The following SLC44A5 variants were observed in gnomAD, a reference collection of about 807,000 sequenced individuals.
The protein encoded by SLC44A5 is choline transporter-like protein 5.
SLC44A5 carries 57 observed loss-of-function variants against 101.8 expected under a neutral mutation model. The observed-to-expected ratio is 0.56, with a 90% CI of 0.45 to 0.70. SLC44A5 has a LOEUF of 0.70. Among genes scored for constraint, SLC44A5 ranks in the 30% least tolerant of loss-of-function variants. The pLI is 0.00. For synonymous variants in SLC44A5, 281 were observed against 290.9 expected (o/e 0.97, Z 0.35); for missense variants, 737 against 853.1 (o/e 0.86, Z 1.70).
At chr1:75,670,918 T>G in the SLC44A5 span, among the ~76,000 whole-genome samples, 2 of 152,182 alleles carry the variant, frequency 1.3e-5, no homozygotes, top group Non-Finnish European at 2.9e-5. Flanking sequence ...TGATAAGACA[T>G]GCACACACAG....
intron 2 of SLC44A5, among the ~76,000 whole-genome samples, chr1:75,487,361 C>T (rs540028315): frequency 3.9e-5 from 6 of 152,176 alleles, no homozygotes; most frequent in African/African-American, 9.6e-5. Flanking sequence ...ATGAATCTAG[C>T]CTTGCAAATA....
chr1:75,426,337 G>C (rs1330577627), intron 2 of SLC44A5, among the ~76,000 whole-genome samples: 5 of 152,186 alleles, frequency 3.3e-5, no homozygotes, highest in Admixed American at 3.3e-4. Context: ...GTAGTTAGTT[G>C]TTTAAATATT....
chr1:75,428,623 A>C (rs1203548765), intron 2 of SLC44A5, among the ~76,000 whole-genome samples: 1 of 152,192 alleles, frequency 6.6e-6, no homozygotes, highest in Non-Finnish European at 1.5e-5. Flanking sequence ...TAGCATAATA[A>C]ACTAAACCTG....
At chr1:75,546,546 C>T (rs1229238379) in intron 1 of SLC44A5, among the ~76,000 whole-genome samples, 1 of 152,108 alleles carries the variant, frequency 6.6e-6, no homozygotes, top group Non-Finnish European at 1.5e-5. Flanking sequence ...ATCTTTAAAC[C>T]TATTTTTAAA....
At chr1:75,446,476 CA>C (rs1008183423) in intron 2 of SLC44A5, among the ~76,000 whole-genome samples, 5 of 151,454 alleles carry the variant, frequency 3.3e-5, no homozygotes, top group African/African-American at 9.7e-5. Flanking sequence ...CATTTTTATC[CA>C]AAAAAAACCC....
chr1:75,203,068 T>C lies in SLC44A5; in HGVS notation c.*659A>G, dbSNP rs1646690030. On this transcript the variant is annotated 3_prime_UTR_variant, in exon 24 of 24. Coordinates refer to ENST00000370859, the MANE Select transcript of SLC44A5 (RefSeq NM_001130058.2). ...GTGAAACAAATGCAATAAGACTTGT[T>C]TTAATCACGAAACATTGCAGGTTTT... The C allele has an allele frequency of 6.6e-6, 1 of 152,190 alleles. No individual in the cohort carries two copies. Among genetic ancestry groups the C allele is most frequent in the South Asian group, 2.1e-4 (1 of 4,832 alleles). The allele number at this position is 152,190 out of a possible 1,614,324, so 9.4% of individuals were successfully genotyped here.
chr1:75,387,131 A>G (rs2101314244), intron 3 of SLC44A5, among the ~76,000 whole-genome samples: 1 of 152,288 alleles, frequency 6.6e-6, no homozygotes, highest in African/African-American at 2.4e-5. Context: ...AGGCATTACC[A>G]TTCAGGACAT....
At chr1:75,427,373 A>C (rs1405808702) in intron 2 of SLC44A5, among the ~76,000 whole-genome samples, 1 of 152,244 alleles carries the variant, frequency 6.6e-6, no homozygotes, top group Non-Finnish European at 1.5e-5. Flanking sequence ...TAGGGATACC[A>C]GTCATGCATT....
At chr1:75,376,081 C>T (rs1660572712) in intron 3 of SLC44A5, among the ~76,000 whole-genome samples, 1 of 152,186 alleles carries the variant, frequency 6.6e-6, no homozygotes, top group African/African-American at 2.4e-5. Context: ...GTGACGGACG[C>T]ACCTGGAAAA....
At chr1:75,534,066 G>A (rs1670867791) in intron 2 of SLC44A5, among the ~76,000 whole-genome samples, 1 of 152,076 alleles carries the variant, frequency 6.6e-6, no homozygotes. Context: ...TCTGCAAAAG[G>A]TTTCACCATC....
intron 5 of SLC44A5, among the ~76,000 whole-genome samples, chr1:75,280,425 TTG>T: frequency 9.6e-6 from 1 of 103,914 alleles, no homozygotes; most frequent in Non-Finnish European, 1.8e-5. Flanking sequence ...AATATATATA[TTG>T]TATATATTAT....
At chr1:75,702,221 A>G in the SLC44A5 span, among the ~76,000 whole-genome samples, 1 of 152,198 alleles carries the variant, frequency 6.6e-6, no homozygotes, top group Non-Finnish European at 1.5e-5. Context: ...AGCCAAAAGA[A>G]CAAAGCTGGA....
intron 7 of SLC44A5, among the ~76,000 whole-genome samples, chr1:75,244,344 T>C (rs571211245): frequency 6.6e-6 from 1 of 152,198 alleles, no homozygotes; most frequent in South Asian, 2.1e-4. Flanking sequence ...TAAAACACTT[T>C]ATGATTTTAC....
At chr1:75,357,794 C>T (rs1201428775) in intron 3 of SLC44A5, among the ~76,000 whole-genome samples, 6 of 152,166 alleles carry the variant, frequency 3.9e-5, no homozygotes, top group Admixed American at 3.9e-4. Flanking sequence ...CTCAAATCAG[C>T]TAGTTTTCTT....
At chr1:75,582,044 T>C in intron 1 of SLC44A5, 1 of 660,302 alleles carries the variant, frequency 1.5e-6, no homozygotes, top group Non-Finnish European at 2.8e-6. Context: ...TACAAAAGGA[T>C]ACTGAGCTTT....
intron 1 of SLC44A5, among the ~76,000 whole-genome samples, chr1:75,584,107 G>T (rs1389993954): frequency 3.9e-5 from 6 of 152,170 alleles, no homozygotes; most frequent in Non-Finnish European, 7.4e-5. Flanking sequence ...TTTCTGAATT[G>T]CCACCCAACT....
At chr1:75,678,482 G>T in the SLC44A5 span, among the ~76,000 whole-genome samples, 30 of 151,732 alleles carry the variant, frequency 2.0e-4, no homozygotes, top group East Asian at 5.4e-3. Context: ...TAACTGGGAG[G>T]CACCCTCCAG....
chr1:75,245,817 A>C (rs965064478), intron 7 of SLC44A5, among the ~76,000 whole-genome samples: 5 of 152,286 alleles, frequency 3.3e-5, no homozygotes, highest in African/African-American at 1.2e-4. Flanking sequence ...TCCCTCTATC[A>C]GACCAATTTG....
At chr1:75,597,293 T>C (rs1319766322) in intron 1 of SLC44A5, among the ~76,000 whole-genome samples, 1 of 150,160 alleles carries the variant, frequency 6.7e-6, no homozygotes, top group Non-Finnish European at 1.5e-5. Context: ...CTCAAAGAAA[T>C]CACAGATAAT....
Sources: gnomAD v4.1 joint callset for allele counts (sites outside exome capture counted in the v4.1 genomes callset) on GRCh38, gnomAD v4.1.1 for gene constraint, MANE v1.5 for transcripts, NCBI Gene and HGNC (gene_info 2026-07-23, HGNC 2026-07-21) for gene names.